The following PDGFRL variants were observed in gnomAD, a reference collection of about 807,000 sequenced individuals.
The protein encoded by PDGFRL is platelet-derived growth factor receptor-like protein.
A neutral mutation model predicts 37.2 loss-of-function variants in PDGFRL; 46 were observed. That is an observed-to-expected ratio of 1.24 (90% CI 0.98 to 1.58). The LOEUF is 1.58. PDGFRL is among the 40% of genes most tolerant of loss of function. PDGFRL has a pLI of 0.00. For missense variants in PDGFRL, 692 were observed against 467.6 expected, an observed-to-expected ratio of 1.48 and a Z score of -4.43; for synonymous variants, 251 against 184.3, an observed-to-expected ratio of 1.36 and a Z score of -2.93.
At chr8:17,631,288 T>C (rs1477243702) in intron 4 of PDGFRL, among the ~76,000 whole-genome samples, 1 of 152,116 alleles carries the variant, frequency 6.6e-6, no homozygotes, top group Non-Finnish European at 1.5e-5. Flanking sequence ...CTTTAGTCTC[T>C]CCGAGAACTC....
At chr8:17,579,075 G>C (rs145896432) in intron 1 of PDGFRL, among the ~76,000 whole-genome samples, 1 of 152,090 alleles carries the variant, frequency 6.6e-6, no homozygotes, top group African/African-American at 2.4e-5. Context: ...GTGGGCACGT[G>C]TAATCCCAGC....
chr8:17,616,203 T>TATTC (rs1180937827), intron 2 of PDGFRL, among the ~76,000 whole-genome samples: 23 of 149,694 alleles, frequency 1.5e-4, no homozygotes, highest in Non-Finnish European at 2.2e-4. Context: ...TTTATTTATT[T>TATTC]ATTTATTTCT....
In PDGFRL at chr8:17,590,236, C is replaced by CAAAAAAAAAAAAAAAAAAAAAA. The variant is rs770779669; in HGVS notation, c.353+491_353+492insAAAAAAAAAAAAAAAAAAAAAA. 9.3e-4 allele frequency among the ~76,000 whole-genome samples: 33 copies of CAAAAAAAAAAAAAAAAAAAAAA among 35,610 alleles called. 3 individuals are homozygous for CAAAAAAAAAAAAAAAAAAAAAA. The highest frequency in any genetic ancestry group is 1.6e-3 in the Non-Finnish European group (25 of 15,974). The allele number at this position is 35,610 out of a possible 152,430, so 23.4% of individuals were successfully genotyped here. ...GGTGACAGAGAGCGAGACTCCATCT[C>CAAAAAAAAAAAAAAAAAAAAAA]AAAAAAAAAAAAAAAAAAAATTGCA... On this transcript the variant is annotated intron_variant, in intron 2 of 5. Coordinates refer to ENST00000251630, the MANE Select transcript of PDGFRL (RefSeq NM_001372073.1).
chr8:17,584,870 G>T (rs1803782717), intron 1 of PDGFRL, among the ~76,000 whole-genome samples: 1 of 152,120 alleles, frequency 6.6e-6, no homozygotes, highest in Non-Finnish European at 1.5e-5. Context: ...TATTAAGAAA[G>T]TAAAGGAATA....
chr8:17,635,983 A>T (rs912228691), intron 5 of PDGFRL, among the ~76,000 whole-genome samples: 1 of 151,980 alleles, frequency 6.6e-6, no homozygotes. Context: ...TTTCTTGCTG[A>T]TTTGTTTGAG....
intron 1 of PDGFRL, among the ~76,000 whole-genome samples, chr8:17,585,416 C>T (rs1244775378): frequency 6.6e-6 from 1 of 151,988 alleles, no homozygotes; most frequent in Admixed American, 6.5e-5. Context: ...GTGGGGTTCT[C>T]GAAAGGAAGA....
intron 1 of PDGFRL, among the ~76,000 whole-genome samples, chr8:17,578,350 A>G (rs1296835856): frequency 6.6e-6 from 1 of 152,216 alleles, no homozygotes; most frequent in African/African-American, 2.4e-5. Context: ...CTAGGAAACT[A>G]CATTTGCCAA....
In PDGFRL at chr8:17,642,616, GA is replaced by G; in HGVS notation, c.946del (p.Arg316GlyfsTer3). 6.2e-7 allele frequency: 1 copy of G among 1,601,810 alleles called. No homozygotes were observed. The highest frequency in any genetic ancestry group is 8.6e-7 in the Non-Finnish European group (1 of 1,168,886). Reference protein sequence around the residue: ...FTWIFPGQKDERPVTIQDTWR... With the variant: ...FTWIFPGQKDXRPVTIQDTWR... ...CTTTGTGGGTGTCGTTAAACAGGAT[GA>G]AAGGCCTGTGACGATCCAAGACACT... On this transcript the variant is annotated frameshift_variant, in exon 6 of 6. Coordinates refer to ENST00000251630, the MANE Select transcript of PDGFRL (RefSeq NM_001372073.1). LOFTEE classifies it high-confidence loss of function.
chr8:17,638,284 C>T (rs753234638), intron 5 of PDGFRL, among the ~76,000 whole-genome samples: 11 of 152,054 alleles, frequency 7.2e-5, no homozygotes, highest in Admixed American at 2.0e-4. Context: ...TAACTTCCAT[C>T]GTGATTTCAT....
chr8:17,584,306 A>T (rs1243594666), intron 1 of PDGFRL, among the ~76,000 whole-genome samples: 1 of 152,144 alleles, frequency 6.6e-6, no homozygotes, highest in African/African-American at 2.4e-5. Flanking sequence ...TGAGATGCTA[A>T]ATTTTGGAGA....
chr8:17,635,075 A>C (rs1034097204), intron 5 of PDGFRL, among the ~76,000 whole-genome samples: 56 of 152,140 alleles, frequency 3.7e-4, no homozygotes, highest in African/African-American at 1.3e-3. Context: ...TTCTGGGCCA[A>C]CTAGAGTCTA....
At chr8:17,577,561 C>G (rs759441913) in intron 1 of PDGFRL, among the ~76,000 whole-genome samples, 11 of 151,836 alleles carry the variant, frequency 7.2e-5, no homozygotes, top group Non-Finnish European at 1.0e-4. Context: ...AGGACCTCTC[C>G]AAGTCCCCAT....
intron 2 of PDGFRL, among the ~76,000 whole-genome samples, chr8:17,605,556 G>C (rs1804256273): frequency 6.6e-6 from 1 of 152,164 alleles, no homozygotes. Context: ...GCACCGCGCT[G>C]AGCCAGGGAA....
chr8:17,618,977 G>T (rs995801484), intron 2 of PDGFRL, among the ~76,000 whole-genome samples: 16 of 152,176 alleles, frequency 1.1e-4, no homozygotes, highest in African/African-American at 3.6e-4. Flanking sequence ...GCAGTTGATG[G>T]CGTGGGAGTA....
At chr8:17,593,054 A>C (rs761756261) in intron 2 of PDGFRL, among the ~76,000 whole-genome samples, 1 of 152,090 alleles carries the variant, frequency 6.6e-6, no homozygotes, top group African/African-American at 2.4e-5. Context: ...CATCTTTCAC[A>C]TTTTTATTCT....
intron 2 of PDGFRL, among the ~76,000 whole-genome samples, chr8:17,596,870 A>G (rs1163767809): frequency 6.6e-6 from 1 of 152,252 alleles, no homozygotes; most frequent in Non-Finnish European, 1.5e-5. Flanking sequence ...CGGACTCTTG[A>G]CATCGTTCCC....
At chr8:17,595,366 A>T (rs1200631158) in intron 2 of PDGFRL, among the ~76,000 whole-genome samples, 2 of 151,994 alleles carry the variant, frequency 1.3e-5, no homozygotes, top group African/African-American at 4.8e-5. Flanking sequence ...CCCAGCTCAT[A>T]TCCCTGATGG....
At chr8:17,630,956 C>T (rs1418662949) in intron 4 of PDGFRL, among the ~76,000 whole-genome samples, 1 of 152,098 alleles carries the variant, frequency 6.6e-6, no homozygotes, top group Non-Finnish European at 1.5e-5. Flanking sequence ...GGAGTCCTGA[C>T]ATCTCTGTGT....
intron 1 of PDGFRL, among the ~76,000 whole-genome samples, chr8:17,582,973 AG>A (rs1418374958): frequency 6.6e-6 from 1 of 152,132 alleles, no homozygotes; most frequent in Non-Finnish European, 1.5e-5. Flanking sequence ...TTCACTTAAA[AG>A]GTCCCAGGTG....
Sources: gnomAD v4.1 joint callset for allele counts (sites outside exome capture counted in the v4.1 genomes callset) on GRCh38, gnomAD v4.1.1 for gene constraint, MANE v1.5 for transcripts, NCBI Gene and HGNC (gene_info 2026-07-23, HGNC 2026-07-21) for gene names.